STRBP: variants seen among roughly 807,000 people sequenced by gnomAD.
STRBP encodes spermatid perinuclear RNA-binding protein.
In STRBP, 13 loss-of-function variants were observed where a neutral mutation model predicts 80.1. That is an observed-to-expected ratio of 0.16 (90% confidence interval 0.11 to 0.26). The LOEUF (loss-of-function observed/expected upper bound fraction) is 0.26. Among genes scored for constraint, STRBP ranks in the 10% least tolerant of loss-of-function variants. The pLI is 1.00. For synonymous variants in STRBP, 284 were observed against 291.2 expected, an observed-to-expected ratio of 0.98 and a Z score of 0.25; for missense variants, 485 against 815.2, an observed-to-expected ratio of 0.59 and a Z score of 4.93.
intron 2 of STRBP, among the ~76,000 whole-genome samples, chr9:123,215,026 T>TA (rs1416465717): frequency 1.3e-5 from 2 of 152,124 alleles, no homozygotes; most frequent in African/African-American, 4.8e-5. Flanking sequence ...AGCATGTAAC[T>TA]AAGTCAGTGG....
At chr9:123,147,310 CA>C (rs1180884256) in intron 12 of STRBP, among the ~76,000 whole-genome samples, 1 of 152,048 alleles carries the variant, frequency 6.6e-6, no homozygotes, top group Non-Finnish European at 1.5e-5. Context: ...AGCTTGGAAA[CA>C]AAAAAGTTAT....
intron 1 of STRBP, among the ~76,000 whole-genome samples, chr9:123,250,231 C>T (rs1274214375): frequency 1.3e-5 from 2 of 152,158 alleles, no homozygotes; most frequent in Non-Finnish European, 2.9e-5. Context: ...TATACTTCAT[C>T]AAGAATATTA....
At chr9:123,180,950 G>A (rs2038432681) in intron 3 of STRBP, 2 of 984,524 alleles carry the variant, frequency 2.0e-6, no homozygotes, top group Non-Finnish European at 2.4e-6. Context: ...TTTATGAACA[G>A]TCTTGCCTCT....
chr9:123,215,602 T>C (rs1405167195), intron 2 of STRBP, among the ~76,000 whole-genome samples: 3 of 151,942 alleles, frequency 2.0e-5, no homozygotes, highest in Admixed American at 2.0e-4. Context: ...CTGGCCAACA[T>C]GGTGAAACCC....
chr9:123,132,380 T>G (rs2036171543), intron 17 of STRBP, among the ~76,000 whole-genome samples: 1 of 152,006 alleles, frequency 6.6e-6, no homozygotes, highest in African/African-American at 2.4e-5. Context: ...TATAGTAAGC[T>G]CTGGATAAAT....
intron 1 of STRBP, among the ~76,000 whole-genome samples, chr9:123,259,161 T>A (rs547160618): frequency 3.3e-5 from 5 of 152,012 alleles, no homozygotes; most frequent in African/African-American, 1.2e-4. Flanking sequence ...ATTCTGGATA[T>A]ATTTTAAACA....
downstream of STRBP, among the ~76,000 whole-genome samples, chr9:123,117,433 A>C (rs1210938303): frequency 6.6e-6 from 1 of 152,184 alleles, no homozygotes; most frequent in Non-Finnish European, 1.5e-5. Flanking sequence ...CAGCAGAAGA[A>C]TCCAACACGC....
chr9:123,128,884 G>A (rs748908549), intron 17 of STRBP, among the ~76,000 whole-genome samples: 47 of 152,280 alleles, frequency 3.1e-4, no homozygotes, highest in Non-Finnish European at 5.9e-4. Flanking sequence ...GTAAATGCTG[G>A]TGAATTTGAC....
chr9:123,182,459 T>C (rs1181107514), intron 3 of STRBP, among the ~76,000 whole-genome samples: 4 of 152,132 alleles, frequency 2.6e-5, no homozygotes, highest in Non-Finnish European at 5.9e-5. Context: ...TAATAAAGCA[T>C]TTCTTTTAGT....
At chr9:123,152,612 A>T (rs989819854) in intron 11 of STRBP, among the ~76,000 whole-genome samples, 3 of 147,840 alleles carry the variant, frequency 2.0e-5, no homozygotes, top group East Asian at 2.0e-4. Context: ...GCTGAGTGTT[A>T]AAAAAAAAAA....
intron 8 of STRBP, among the ~76,000 whole-genome samples, chr9:123,159,618 A>G (rs1366128869): frequency 2.0e-5 from 3 of 152,332 alleles, no homozygotes; most frequent in East Asian, 1.9e-4. Context: ...CAATATAATA[A>G]TAAGACTTCG....
intron 1 of STRBP, among the ~76,000 whole-genome samples, chr9:123,257,318 C>T (rs921521102): frequency 7.2e-5 from 11 of 152,132 alleles, no homozygotes; most frequent in African/African-American, 2.7e-4. Flanking sequence ...CACACCCTCG[C>T]TGAAATCGCT....
At chr9:123,181,722 C>T (rs1281159611) in intron 3 of STRBP, among the ~76,000 whole-genome samples, 2 of 128,554 alleles carry the variant, frequency 1.6e-5, no homozygotes, top group Non-Finnish European at 3.1e-5. Flanking sequence ...ATTGCTTGAA[C>T]CCAGGAGGCG....
chr9:123,224,751 C>G (rs1341343905), intron 2 of STRBP, among the ~76,000 whole-genome samples: 1 of 152,136 alleles, frequency 6.6e-6, no homozygotes, highest in Non-Finnish European at 1.5e-5. Flanking sequence ...TTGGAACTTA[C>G]ATGTACTGCT....
At chr9:123,229,995 T>G (rs1416231727) in intron 2 of STRBP, among the ~76,000 whole-genome samples, 1 of 151,876 alleles carries the variant, frequency 6.6e-6, no homozygotes, top group Non-Finnish European at 1.5e-5. Flanking sequence ...AGGAGGAGAG[T>G]CAGATTTAAC....
intron 6 of STRBP, among the ~76,000 whole-genome samples, 191 bp from the exon 7 acceptor site, chr9:123,161,259 C>T (rs1294816281): frequency 6.6e-6 from 1 of 152,178 alleles, no homozygotes; most frequent in African/African-American, 2.4e-5. Flanking sequence ...TTTAAGTAAA[C>T]AGTCATCAGA....
intron 1 of STRBP, among the ~76,000 whole-genome samples, chr9:123,250,882 C>G (rs1262570828): frequency 1.3e-5 from 2 of 152,102 alleles, no homozygotes; most frequent in Non-Finnish European, 2.9e-5. Flanking sequence ...CTTAGGGAGG[C>G]TGAAGCAGGA....
intron 2 of STRBP, among the ~76,000 whole-genome samples, chr9:123,194,765 T>G (rs1015944190): frequency 6.6e-6 from 1 of 151,868 alleles, no homozygotes; most frequent in Non-Finnish European, 1.5e-5. Context: ...TCAGCAACAG[T>G]TGACACAGTT....
rs1187614344 is a variant in STRBP, at chr9:123,122,952, C to A, written c.*2645G>T. ...CAAAGGAAAAGTTTTAAAACAGACA[C>A]CGTGGCTTTGAACAAAGTATTGCTC... is the stretch of plus-strand genomic sequence containing the variant. On this transcript the variant is annotated 3_prime_UTR_variant, in exon 19 of 19. Transcript: ENST00000348403. 1 of 985,322 alleles carries A rather than the reference C, an allele frequency of 1.0e-6. No individual in the cohort carries two copies. The highest frequency in any genetic ancestry group is 1.2e-6 in the Non-Finnish European group (1 of 829,956). The allele number at this position is 985,322 out of a possible 1,614,324, so 61.0% of individuals were successfully genotyped here.
Sources: allele counts gnomAD v4.1 joint callset (sites outside exome capture counted in the v4.1 genomes callset), GRCh38; gene constraint gnomAD v4.1.1; transcripts MANE v1.5; gene names NCBI Gene and HGNC (gene_info 2026-07-23, HGNC 2026-07-21).